Variants in FANCC observed in about 807,000 individuals in gnomAD.
FANCC encodes Fanconi anemia group C protein.
In FANCC, 55 loss-of-function variants were observed where a neutral mutation model predicts 71.3. The observed-to-expected ratio is 0.77, with a 90% CI of 0.62 to 0.97. The LOEUF is 0.97. Ranked by LOEUF, FANCC falls within the 50% of genes least tolerant of loss-of-function variation. The probability of loss-of-function intolerance (pLI) is 0.00; values close to 1 mark genes in which losing one functional copy is unlikely to be tolerated. For missense variants in FANCC, 678 were observed against 670.9 expected, an observed-to-expected ratio of 1.01 and a Z score of -0.12; for synonymous variants, 275 against 244.9, an observed-to-expected ratio of 1.12 and a Z score of -1.15.
At chr9:95,290,586 AG>A in intron 1 of FANCC, among the ~76,000 whole-genome samples, 1 of 152,326 alleles carries the variant, frequency 6.6e-6, no homozygotes, top group Non-Finnish European at 1.5e-5. Context: ...CAGAGTGGGT[AG>A]GTAACCAGAG....
At position 95,171,150 on chromosome 9, in the gene FANCC, A is replaced by G. The variant is rs749994612; in HGVS notation, c.457-7T>C. On this transcript the variant is annotated splice_polypyrimidine_tract_variant and splice_region_variant and intron_variant, in intron 5 of 14. Transcript: ENST00000289081. ...ACGCTAATGATAAAACCATCTGTAA[A>G]ACAAAATCAGTTGCAGGTTAACTCA... 8.1e-6 allele frequency: 13 copies of G among 1,611,432 alleles called. No individual in the cohort carries two copies. The East Asian group carries it at 2.0e-4, about 25-fold the overall frequency.
At chr9:95,224,002 C>T (rs776443456) in intron 4 of FANCC, among the ~76,000 whole-genome samples, 1 of 151,566 alleles carries the variant, frequency 6.6e-6, no homozygotes, top group Non-Finnish European at 1.5e-5. Flanking sequence ...GACAAACGAA[C>T]AAAAAAAAGA....
chr9:95,310,208 T>C (rs1293571746), intron 1 of FANCC, among the ~76,000 whole-genome samples: 1 of 152,114 alleles, frequency 6.6e-6, no homozygotes, highest in South Asian at 2.1e-4. Context: ...ACAAAAATAA[T>C]GATAATTAAT....
At chr9:95,207,893 C>T (rs921758174) in intron 4 of FANCC, among the ~76,000 whole-genome samples, 3 of 151,862 alleles carry the variant, frequency 2.0e-5, no homozygotes, top group South Asian at 2.1e-4. Context: ...TCTGTCTTTT[C>T]GGTGTTTATT....
intron 1 of FANCC, 72 bp from the exon 2 acceptor site, chr9:95,249,441 G>GGTC: frequency 2.8e-6 from 2 of 719,672 alleles, no homozygotes; most frequent in Non-Finnish European, 4.8e-6. Flanking sequence ...CCCATTGATG[G>GGTC]GTGAAGGAGG....
intron 4 of FANCC, among the ~76,000 whole-genome samples, chr9:95,190,212 T>G (rs1019965338): frequency 6.6e-6 from 1 of 151,860 alleles, no homozygotes; most frequent in Non-Finnish European, 1.5e-5. Flanking sequence ...ATGGAAGGAG[T>G]GTCTCTGCTC....
chr9:95,301,913 TAAA>T (rs753118112), intron 1 of FANCC, among the ~76,000 whole-genome samples: 11 of 112,984 alleles, frequency 9.7e-5, no homozygotes, highest in Admixed American at 2.6e-4. Context: ...CCATCTCCAC[TAAA>T]AAAAAAAAAA....
chr9:95,110,062 A>G (rs2071784458), intron 13 of FANCC, among the ~76,000 whole-genome samples: 1 of 152,184 alleles, frequency 6.6e-6, no homozygotes, highest in Non-Finnish European at 1.5e-5. Context: ...AATGGGGGGA[A>G]GGGAAATGGA....
chr9:95,108,495 G>GTCTA (rs1198435729), intron 13 of FANCC, among the ~76,000 whole-genome samples: 5 of 152,232 alleles, frequency 3.3e-5, no homozygotes, highest in African/African-American at 1.2e-4. Flanking sequence ...CTAAGATGGG[G>GTCTA]TCTATCTTCC....
chr9:95,249,037 T>A (rs1831165674), intron 2 of FANCC, 90 bp downstream of exon 2: 1 of 1,405,078 alleles, frequency 7.1e-7, no homozygotes, highest in African/African-American at 1.4e-5. Context: ...ATACCACAAG[T>A]CCCGATTCTG....
intron 1 of FANCC, among the ~76,000 whole-genome samples, chr9:95,263,520 A>G (rs10993496): frequency 7.0e-6 from 1 of 143,402 alleles, no homozygotes; most frequent in Non-Finnish European, 1.5e-5. Context: ...ATATATATCT[A>G]TATATATATA....
intron 14 of FANCC, among the ~76,000 whole-genome samples, chr9:95,105,236 G>C: frequency 6.6e-6 from 1 of 152,164 alleles, no homozygotes; most frequent in East Asian, 1.9e-4. Flanking sequence ...CCTGGCCCTG[G>C]TTCTTGGCAG....
chr9:95,256,375 G>C (rs1490531826), intron 1 of FANCC, among the ~76,000 whole-genome samples: 1 of 152,168 alleles, frequency 6.6e-6, no homozygotes, highest in Non-Finnish European at 1.5e-5. Context: ...AGAAGAAAGT[G>C]GAGGCCAATA....
intron 6 of FANCC, among the ~76,000 whole-genome samples, chr9:95,150,933 T>C (rs1345135415): frequency 6.6e-6 from 1 of 152,188 alleles, no homozygotes; most frequent in African/African-American, 2.4e-5. Context: ...CTACCATGTG[T>C]GGCAATTTAA....
intron 14 of FANCC, among the ~76,000 whole-genome samples, chr9:95,106,793 C>T (rs4647545): frequency 0.011 from 1,736 of 152,294 alleles, 29 homozygotes; most frequent in African/African-American, 0.039. Flanking sequence ...GGACAGGAGA[C>T]CTGGCTTCTA....
intron 1 of FANCC, among the ~76,000 whole-genome samples, chr9:95,254,575 C>T (rs899445094): frequency 2.0e-5 from 3 of 152,348 alleles, no homozygotes; most frequent in South Asian, 2.1e-4. Context: ...CCATGGTCTT[C>T]GCAACCTACA....
chr9:95,213,515 A>AAT (rs1233962640), intron 4 of FANCC, among the ~76,000 whole-genome samples: 2 of 152,152 alleles, frequency 1.3e-5, no homozygotes, highest in Non-Finnish European at 2.9e-5. Flanking sequence ...TATCTGGTTG[A>AAT]ATGATTTTCA....
At chr9:95,303,011 T>C (rs1175966553) in intron 1 of FANCC, among the ~76,000 whole-genome samples, 1 of 152,050 alleles carries the variant, frequency 6.6e-6, no homozygotes, top group Non-Finnish European at 1.5e-5. Context: ...CTAAAAAAGT[T>C]CAGACCCACT....
chr9:95,113,118 G>A (rs1396029822), intron 12 of FANCC, among the ~76,000 whole-genome samples: 1 of 152,192 alleles, frequency 6.6e-6, no homozygotes, highest in Non-Finnish European at 1.5e-5. Context: ...GTGGGGGGCC[G>A]ACTGGCCACT....
Sources: allele counts gnomAD v4.1 joint callset (sites outside exome capture counted in the v4.1 genomes callset), GRCh38; gene constraint gnomAD v4.1.1; transcripts MANE v1.5; gene names NCBI Gene and HGNC (gene_info 2026-07-23, HGNC 2026-07-21).